DIAPH3: variants seen among roughly 807,000 people sequenced by gnomAD.
The protein encoded by DIAPH3 is protein diaphanous homolog 3.
Under a neutral mutation model 144.3 loss-of-function variants are expected in DIAPH3, and 117 were observed. That is an observed-to-expected ratio of 0.81 (90% CI 0.70 to 0.95). The LOEUF (loss-of-function observed/expected upper bound fraction) is 0.95, where lower values mean the gene tolerates loss of function less well. Ranked by LOEUF, DIAPH3 falls within the 40% of genes least tolerant of loss-of-function variation. The probability of loss-of-function intolerance (pLI) is 0.00; values close to 1 mark genes in which losing one functional copy is unlikely to be tolerated. For missense variants in DIAPH3, 1,421 were observed against 1,412.7 expected (o/e 1.01, Z -0.09); for synonymous variants, 519 against 488.9 (o/e 1.06, Z -0.81).
chr13:59,732,744 C>T (rs2138991175), intron 27 of DIAPH3, among the ~76,000 whole-genome samples: 1 of 152,156 alleles, frequency 6.6e-6, no homozygotes, highest in Non-Finnish European at 1.5e-5. Flanking sequence ...AGTCACTGTG[C>T]TGGCCTGATA....
chr13:59,860,361 T>C (rs2043505274), intron 22 of DIAPH3, among the ~76,000 whole-genome samples: 1 of 152,162 alleles, frequency 6.6e-6, no homozygotes, highest in African/African-American at 2.4e-5. Context: ...TATTCCAGCA[T>C]TCCAGATGAG....
At chr13:60,113,301 G>A (rs2058618938) in intron 2 of DIAPH3, among the ~76,000 whole-genome samples, 3 of 152,144 alleles carry the variant, frequency 2.0e-5, no homozygotes, top group Admixed American at 1.3e-4. Context: ...AATGGACAGA[G>A]CTGGTATAGC....
intron 17 of DIAPH3, among the ~76,000 whole-genome samples, chr13:59,948,198 T>G (rs2048900831): frequency 1.3e-5 from 2 of 152,210 alleles, no homozygotes; most frequent in African/African-American, 4.8e-5. Flanking sequence ...CCAAAGCCGA[T>G]GCTTTTCACC....
At chr13:59,851,970 C>T (rs1265482104) in intron 22 of DIAPH3, among the ~76,000 whole-genome samples, 1 of 151,938 alleles carries the variant, frequency 6.6e-6, no homozygotes, top group Non-Finnish European at 1.5e-5. Flanking sequence ...CTGTCACTCA[C>T]AGTCAAGCCT....
At chr13:59,911,299 C>T (rs918939560) in intron 20 of DIAPH3, among the ~76,000 whole-genome samples, 1 of 152,004 alleles carries the variant, frequency 6.6e-6, no homozygotes, top group African/African-American at 2.4e-5. Flanking sequence ...ATTTTTCATC[C>T]TCATTGCCAA....
At chr13:59,743,423 G>A (rs1695019067) in intron 27 of DIAPH3, among the ~76,000 whole-genome samples, 2 of 152,080 alleles carry the variant, frequency 1.3e-5, no homozygotes, top group African/African-American at 4.8e-5. Context: ...CAACATGGGG[G>A]AGCAAGTTGG....
chr13:60,101,268 T>TA (rs2058260128), intron 3 of DIAPH3, among the ~76,000 whole-genome samples: 1 of 152,190 alleles, frequency 6.6e-6, no homozygotes, highest in Admixed American at 6.5e-5. Flanking sequence ...CTATCTCATC[T>TA]CCCTCATTCT....
intron 5 of DIAPH3, among the ~76,000 whole-genome samples, chr13:60,031,102 A>C (rs2054755680): frequency 6.6e-6 from 1 of 152,210 alleles, no homozygotes; most frequent in Admixed American, 6.5e-5. Flanking sequence ...CAGGTTGTAC[A>C]GGAGGTATGG....
At chr13:60,153,056 T>G (rs935446461) in intron 1 of DIAPH3, among the ~76,000 whole-genome samples, 5 of 152,182 alleles carry the variant, frequency 3.3e-5, no homozygotes, top group Non-Finnish European at 5.9e-5. Context: ...TGACCCACTC[T>G]ATAACCATGT....
At chr13:60,114,514 G>A (rs1418600552) in intron 2 of DIAPH3, among the ~76,000 whole-genome samples, 1 of 152,098 alleles carries the variant, frequency 6.6e-6, no homozygotes, top group Non-Finnish European at 1.5e-5. Flanking sequence ...AAGCAGAAGA[G>A]AGAGTGGAAA....
chr13:60,089,770 G>A (rs978804037), intron 4 of DIAPH3, among the ~76,000 whole-genome samples: 1 of 152,156 alleles, frequency 6.6e-6, no homozygotes, highest in African/African-American at 2.4e-5. Context: ...TGGGCACAGC[G>A]CCTTGTAGTA....
intron 27 of DIAPH3, among the ~76,000 whole-genome samples, chr13:59,762,052 C>CTTTTTTTTTTTTTTTTTTTTTTTT (rs35387511): frequency 1.0e-4 from 6 of 59,520 alleles, no homozygotes; most frequent in Admixed American, 1.0e-3. Context: ...GCGTCAGCAT[C>CTTTTTTTTTTTTTTTTTTTTTTTT]TTTTTTTTTT....
At chr13:59,821,151 C>T (rs1430645882) in intron 24 of DIAPH3, among the ~76,000 whole-genome samples, 2 of 151,958 alleles carry the variant, frequency 1.3e-5, no homozygotes, top group Non-Finnish European at 2.9e-5. Flanking sequence ...CCTAAGTATT[C>T]AACTTTGTCT....
At position 59,951,062 on chromosome 13, in the gene DIAPH3, A is replaced by AT. The variant is rs2049072183; in HGVS notation, c.2074+18881dup. On this transcript the variant is annotated intron_variant, in intron 17 of 27. Transcript: ENST00000400324. ...GCTTTATATAATCTTAATGAAATAC[A>AT]TAAGTAATGTTTTATGTGTACTTAA... Among the ~76,000 whole-genome samples the AT allele has an allele frequency of 7.9e-5, 12 of 152,236 alleles. No individual in the cohort carries two copies. The South Asian group carries it at 2.5e-3, about 32-fold the overall frequency.
At chr13:59,984,357 GTACTGTAAGTTATATATAA>G (rs1418542962) in intron 12 of DIAPH3, among the ~76,000 whole-genome samples, 1 of 151,568 alleles carries the variant, frequency 6.6e-6, no homozygotes, top group Non-Finnish European at 1.5e-5. Context: ...TTTAAAACTG[GTACTGTAAGTTATATATAA>G]TATCAAATTC....
intron 23 of DIAPH3, among the ~76,000 whole-genome samples, chr13:59,834,777 A>C (rs900245556): frequency 4.6e-5 from 7 of 151,796 alleles, no homozygotes; most frequent in African/African-American, 1.7e-4. Flanking sequence ...TAAACATTTC[A>C]TAAAATTCAT....
chr13:59,898,452 A>G (rs947349084), intron 20 of DIAPH3, among the ~76,000 whole-genome samples: 3 of 152,336 alleles, frequency 2.0e-5, no homozygotes, highest in African/African-American at 7.2e-5. Flanking sequence ...ATACTAAGAC[A>G]AAGTTTTTTT....
intron 27 of DIAPH3, among the ~76,000 whole-genome samples, chr13:59,758,953 ATTTT>A (rs915956860): frequency 7.7e-6 from 1 of 130,142 alleles, no homozygotes; most frequent in Non-Finnish European, 1.6e-5. Flanking sequence ...CTAATTTTGA[ATTTT>A]TTTTTTTTTT....
chr13:60,159,844 G>A (rs1260640074), intron 1 of DIAPH3, among the ~76,000 whole-genome samples: 1 of 152,182 alleles, frequency 6.6e-6, no homozygotes, highest in Non-Finnish European at 1.5e-5. Flanking sequence ...ACCTAGAACA[G>A]TGCTTGGCTC....
Sources: allele counts gnomAD v4.1 joint callset (sites outside exome capture counted in the v4.1 genomes callset), GRCh38; gene constraint gnomAD v4.1.1; transcripts MANE v1.5; gene names NCBI Gene and HGNC (gene_info 2026-07-23, HGNC 2026-07-21).